NGEF: variants seen among roughly 807,000 people sequenced by gnomAD.
NGEF encodes neuronal guanine nucleotide exchange factor, also known as ephexin-1.
NGEF carries 31 observed loss-of-function variants against 80.9 expected under a neutral mutation model. The observed-to-expected ratio is 0.38, with a 90% CI of 0.29 to 0.52. The LOEUF is 0.52. Among genes scored for constraint, NGEF ranks in the 20% least tolerant of loss-of-function variants. The pLI, the probability that NGEF is intolerant of heterozygous loss-of-function variation, is 0.84. For missense variants in NGEF, 709 were observed against 926.2 expected, an observed-to-expected ratio of 0.77 and a Z score of 3.04; for synonymous variants, 371 against 370.2, an observed-to-expected ratio of 1.00 and a Z score of -0.03.
chr2:232,906,197 G>A (rs1403244723), intron 5 of NGEF, among the ~76,000 whole-genome samples: 5 of 23,702 alleles, frequency 2.1e-4, no homozygotes, highest in South Asian at 2.0e-3. Context: ...CTGGCCAGCC[G>A]CCCCGTCCGG....
chr2:232,909,711 G>A (rs139200285), intron 5 of NGEF, among the ~76,000 whole-genome samples: 68 of 151,782 alleles, frequency 4.5e-4, no homozygotes, highest in African/African-American at 1.6e-3. Flanking sequence ...CAGCCATCCC[G>A]TCTCCCCACG....
chr2:232,903,429 CATG>C (rs764227087), intron 5 of NGEF, among the ~76,000 whole-genome samples: 7 of 141,382 alleles, frequency 5.0e-5, no homozygotes, highest in Non-Finnish European at 7.7e-5. Context: ...ATTTGTGTGA[CATG>C]AGGGCACACA....
chr2:232,909,535 G>A (rs1270062090), intron 5 of NGEF, among the ~76,000 whole-genome samples: 2 of 152,070 alleles, frequency 1.3e-5, no homozygotes, highest in Non-Finnish European at 2.9e-5. Flanking sequence ...TAAAATGGAA[G>A]ATATTCAATC....
At position 232,894,621 on chromosome 2, in the gene NGEF, A is replaced by G; in HGVS notation, c.989+135T>C. 4.2e-6 allele frequency: 4 copies of G among 948,804 alleles called. No homozygotes were observed. The East Asian group carries it at 7.9e-5, about 19-fold the overall frequency. 58.8% of individuals were successfully genotyped at this position (948,804 alleles called of 1,614,324 possible). ...TTTGGATTTAGTTCTTCATTTATTT[A>G]TATTTTATTATGGAACATTCCAAAC... On this transcript the variant is annotated intron_variant, in intron 6 of 14. Transcript: ENST00000264051.
chr2:233,006,741 A>C (rs1695091282), intron 1 of NGEF, among the ~76,000 whole-genome samples: 1 of 152,160 alleles, frequency 6.6e-6, no homozygotes, highest in Non-Finnish European at 1.5e-5. Flanking sequence ...ACTCATGGCG[A>C]TCCTGTATGA....
chr2:233,000,618 G>A (rs1232980739), intron 1 of NGEF, among the ~76,000 whole-genome samples: 1 of 152,052 alleles, frequency 6.6e-6, no homozygotes, highest in Non-Finnish European at 1.5e-5. Context: ...AAATTAGCCG[G>A]GCGTGGTGGC....
At chr2:232,996,121 T>C (rs1694840132) in intron 1 of NGEF, among the ~76,000 whole-genome samples, 1 of 152,054 alleles carries the variant, frequency 6.6e-6, no homozygotes, top group Admixed American at 6.6e-5. Context: ...GTATAAAAAC[T>C]GACCAATTCC....
chr2:232,883,052 A>AACACACACACAC (rs57854484), intron 12 of NGEF, among the ~76,000 whole-genome samples: 1 of 150,268 alleles, frequency 6.7e-6, no homozygotes, highest in African/African-American at 2.4e-5. Context: ...GCCCCAAGGG[A>AACACACACACAC]ACACACACAC....
intron 5 of NGEF, among the ~76,000 whole-genome samples, chr2:232,915,580 C>A (rs1575013966): frequency 1.3e-5 from 2 of 152,232 alleles, no homozygotes; most frequent in East Asian, 3.9e-4. Context: ...ATCTTTTCAT[C>A]CAACCTAATT....
intron 5 of NGEF, among the ~76,000 whole-genome samples, chr2:232,900,660 ACT>A (rs1209790866): frequency 8.6e-5 from 12 of 139,586 alleles, no homozygotes; most frequent in East Asian, 2.1e-4. Context: ...ACTCACATTC[ACT>A]CACACACACA....
chr2:232,944,034 A>G (rs1219350999), intron 3 of NGEF, among the ~76,000 whole-genome samples: 2 of 151,560 alleles, frequency 1.3e-5, no homozygotes, highest in South Asian at 4.2e-4. Flanking sequence ...GGAGTTCCAG[A>G]CCAGCCTGGC....
intron 3 of NGEF, among the ~76,000 whole-genome samples, chr2:232,956,029 G>C (rs769432810): frequency 3.3e-5 from 5 of 152,166 alleles, no homozygotes; most frequent in African/African-American, 4.8e-5. Flanking sequence ...CCCCAAACGT[G>C]ACTGCAGTTT....
intron 1 of NGEF, among the ~76,000 whole-genome samples, chr2:232,993,476 T>C (rs1694715182): frequency 6.6e-6 from 1 of 151,922 alleles, no homozygotes; most frequent in Non-Finnish European, 1.5e-5. Context: ...GATGGGAATG[T>C]AAAATGGTTG....
At chr2:232,976,094 G>A (rs567348903) in intron 1 of NGEF, among the ~76,000 whole-genome samples, 4 of 152,058 alleles carry the variant, frequency 2.6e-5, no homozygotes, top group Admixed American at 6.5e-5. Flanking sequence ...CCAGCTTCTC[G>A]GGAGGCTGAG....
intron 7 of NGEF, 37 bp from the exon 8 acceptor site, chr2:232,891,524 G>A (rs1559194352): frequency 6.3e-7 from 1 of 1,597,212 alleles, no homozygotes; most frequent in Admixed American, 1.7e-5. Flanking sequence ...TCTCTGAGCT[G>A]CAGGAGGCAT....
rs57143286 is a variant in NGEF at position 232,988,036 on chromosome 2, C to CGTGTGT, written c.-74-13078_-74-13073dup. ...GTCACCCTTCTGGAAGGGATGGTCT[C>CGTGTGT]GTGTGTGTGTGTGTGTGTGTGTGTG... is the stretch of plus-strand genomic sequence containing the variant. On this transcript the variant is annotated intron_variant, in intron 1 of 14. Transcript: ENST00000264051. 4.1e-3 allele frequency among the ~76,000 whole-genome samples: 575 copies of CGTGTGT among 140,308 alleles called. 4 individuals carry two copies. The highest frequency in any genetic ancestry group is 0.011 in the African/African-American group (419 of 38,320). 92.0% of individuals were successfully genotyped at this position (140,308 alleles called of 152,430 possible).
At chr2:232,881,075 C>G (rs1691486387) in intron 14 of NGEF, 71 bp downstream of exon 14, 15 of 1,234,764 alleles carry the variant, frequency 1.2e-5, no homozygotes, top group Non-Finnish European at 1.8e-5. Context: ...GCATCTGCTT[C>G]TCCCCCTCCC....
At chr2:232,987,108 C>T (rs770568776) in intron 1 of NGEF, among the ~76,000 whole-genome samples, 16 of 152,096 alleles carry the variant, frequency 1.1e-4, no homozygotes, top group South Asian at 2.1e-4. Context: ...TGTCTGCCTA[C>T]CAGGTTCAAG....
At chr2:232,939,919 C>T (rs913594104) in intron 3 of NGEF, among the ~76,000 whole-genome samples, 3 of 151,884 alleles carry the variant, frequency 2.0e-5, no homozygotes, top group Non-Finnish European at 4.4e-5. Flanking sequence ...ATCGCTTGAA[C>T]CTGGGAGGCG....
Sources: allele counts gnomAD v4.1 joint callset (sites outside exome capture counted in the v4.1 genomes callset), GRCh38; gene constraint gnomAD v4.1.1; transcripts MANE v1.5; gene names NCBI Gene and HGNC (gene_info 2026-07-23, HGNC 2026-07-21).